DTNB: variants seen among roughly 807,000 people sequenced by gnomAD.
The protein encoded by DTNB is DTN-B.
In DTNB, 63 loss-of-function variants were observed where a neutral mutation model predicts 90.7. The observed-to-expected ratio is 0.69, with a 90% CI of 0.57 to 0.86. The LOEUF (loss-of-function observed/expected upper bound fraction) is 0.86, where lower values mean the gene tolerates loss of function less well. Among genes scored for constraint, DTNB ranks in the 40% least tolerant of loss-of-function variants. The probability of loss-of-function intolerance (pLI) is 0.00; values close to 1 mark genes in which losing one functional copy is unlikely to be tolerated. For synonymous variants in DTNB, 277 were observed against 286.7 expected (o/e 0.97, Z 0.34); for missense variants, 744 against 807.1 (o/e 0.92, Z 0.95).
chr2:25,584,922 G>T (rs1262055044), intron 6 of DTNB, among the ~76,000 whole-genome samples: 1 of 152,092 alleles, frequency 6.6e-6, no homozygotes, highest in Non-Finnish European at 1.5e-5. Context: ...GCTCTTTGGG[G>T]TCCTCAATAA....
intron 9 of DTNB, among the ~76,000 whole-genome samples, chr2:25,483,364 G>T (rs2065396506): frequency 6.6e-6 from 1 of 152,122 alleles, no homozygotes; most frequent in South Asian, 2.1e-4. Flanking sequence ...CTGAGATTTG[G>T]TTAGAGCTCA....
At chr2:25,494,997 C>T (rs2068486019) in intron 9 of DTNB, among the ~76,000 whole-genome samples, 1 of 151,924 alleles carries the variant, frequency 6.6e-6, no homozygotes, top group Non-Finnish European at 1.5e-5. Context: ...AGAAAAGTGT[C>T]AAATGACAGT....
At chr2:25,603,866 T>C (rs1307567500) in intron 5 of DTNB, among the ~76,000 whole-genome samples, 1 of 152,194 alleles carries the variant, frequency 6.6e-6, no homozygotes, top group African/African-American at 2.4e-5. Flanking sequence ...ACAGTGTTAC[T>C]TCTCTCTTTT....
intron 1 of DTNB, among the ~76,000 whole-genome samples, chr2:25,668,181 G>A (rs2084959288): frequency 6.6e-6 from 1 of 152,188 alleles, no homozygotes; most frequent in Non-Finnish European, 1.5e-5. Context: ...AGAGCTCGCA[G>A]TGAGCCGAGA....
intron 9 of DTNB, among the ~76,000 whole-genome samples, chr2:25,528,200 C>G (rs999910588): frequency 2.0e-5 from 3 of 152,148 alleles, no homozygotes; most frequent in Non-Finnish European, 2.9e-5. Context: ...TGATAAAATT[C>G]AGCATCCATT....
chr2:25,616,941 AAAAAAAAAAAAGG>A lies in DTNB; in HGVS notation c.363-9633_363-9621del, dbSNP rs1249551290. ...AGCAAGACCCCGTCTCAAAAAAAAA[AAAAAAAAAAAAGG>A]AAAAAAAAGACTCATTAACCCCTCA... On this transcript the variant is annotated intron_variant, in intron 4 of 20. Coordinates refer to ENST00000406818, the MANE Select transcript of DTNB (RefSeq NM_021907.5). Among the ~76,000 whole-genome samples the A allele has an allele frequency of 1.4e-4, 19 of 137,624 alleles. 1 individual carries two copies. The highest frequency in any genetic ancestry group is 2.4e-4 in the South Asian group (1 of 4,226). 90.3% of individuals were successfully genotyped at this position (137,624 alleles called of 152,430 possible). A position where few individuals can be genotyped will look rare whatever the true frequency, so the allele number is the denominator to read the frequency against.
rs763202635 is a variant in DTNB, at chr2:25,565,200, CTT to C, written c.876+11636_876+11637del. 3.3e-5 allele frequency among the ~76,000 whole-genome samples: 5 copies of C among 152,194 alleles called. No individual in the cohort carries two copies. In the South Asian group the frequency reaches 1.0e-3, roughly 32 times the overall value. On this transcript the variant is annotated intron_variant, in intron 8 of 20. Coordinates refer to ENST00000406818, the MANE Select transcript of DTNB (RefSeq NM_021907.5). ...CTTTTTCCTGGTTTTAGGGGAAAAGCTTTCAGTCTTTCACTATTAAGTATGAT... is the reference window on the plus strand; with the variant it reads ...CTTTTTCCTGGTTTTAGGGGAAAAGCTCAGTCTTTCACTATTAAGTATGAT...
chr2:25,401,110 T>C (rs2043604346), intron 16 of DTNB, among the ~76,000 whole-genome samples: 2 of 152,184 alleles, frequency 1.3e-5, no homozygotes, highest in South Asian at 4.1e-4. Flanking sequence ...ACAAAATCAG[T>C]AGACAGGCTA....
chr2:25,482,891 T>C lies in DTNB; in HGVS notation c.1002-18A>G. 2 of 1,591,556 alleles carry C rather than the reference T, an allele frequency of 1.3e-6. No individual in the cohort carries two copies. Among genetic ancestry groups the C allele is most frequent in the Non-Finnish European group, 1.7e-6 (2 of 1,171,588 alleles). On this transcript the variant is annotated intron_variant, in intron 9 of 20. Coordinates refer to ENST00000406818, the MANE Select transcript of DTNB (RefSeq NM_021907.5). ...GAGGAGGACTGAAAGAAAAGACATT[T>C]ACCTTATATTAATAATGACCAACTA...
chr2:25,403,501 C>T (rs529238361), intron 16 of DTNB, among the ~76,000 whole-genome samples: 1 of 152,268 alleles, frequency 6.6e-6, no homozygotes, highest in South Asian at 2.1e-4. Flanking sequence ...AGAAAAATAC[C>T]TATACAATGA....
chr2:25,550,841 G>A (rs1001332283), intron 8 of DTNB, among the ~76,000 whole-genome samples: 1 of 152,054 alleles, frequency 6.6e-6, no homozygotes, highest in Non-Finnish European at 1.5e-5. Flanking sequence ...GTAGAGATGG[G>A]GTTTCACCAT....
At chr2:25,409,144 G>T (rs2045998261) in intron 16 of DTNB, among the ~76,000 whole-genome samples, 1 of 152,160 alleles carries the variant, frequency 6.6e-6, no homozygotes, top group Non-Finnish European at 1.5e-5. Context: ...AGAAGTTATT[G>T]AAAGAAAACC....
At chr2:25,523,894 G>GTACTTTTT (rs2076604016) in intron 9 of DTNB, among the ~76,000 whole-genome samples, 1 of 140,228 alleles carries the variant, frequency 7.1e-6, no homozygotes, top group African/African-American at 2.7e-5. Context: ...TTGGTCATCT[G>GTACTTTTT]TACTTTTTTT....
intron 8 of DTNB, among the ~76,000 whole-genome samples, chr2:25,546,877 G>C (rs2151070660): frequency 6.6e-6 from 1 of 150,620 alleles, no homozygotes; most frequent in African/African-American, 2.4e-5. Flanking sequence ...ACAGAATCCT[G>C]CTCTGTTGCC....
chr2:25,398,944 G>A (rs745808209), intron 16 of DTNB, among the ~76,000 whole-genome samples: 1 of 152,216 alleles, frequency 6.6e-6, no homozygotes, highest in Non-Finnish European at 1.5e-5. Context: ...ACAATGAAGT[G>A]CATCACATTT....
At chr2:25,654,130 A>C (rs1445208638) in intron 1 of DTNB, among the ~76,000 whole-genome samples, 1 of 152,250 alleles carries the variant, frequency 6.6e-6, no homozygotes, top group East Asian at 1.9e-4. Flanking sequence ...AGGGACTGAT[A>C]AGCAGCAGGG....
At chr2:25,649,274 G>T (rs2080289226) in intron 2 of DTNB, among the ~76,000 whole-genome samples, 2 of 152,042 alleles carry the variant, frequency 1.3e-5, no homozygotes, top group Admixed American at 6.6e-5. Flanking sequence ...GAAAGTGCTG[G>T]CATTATAGGC....
chr2:25,502,903 A>T (rs1026527703), intron 9 of DTNB, among the ~76,000 whole-genome samples: 12 of 146,774 alleles, frequency 8.2e-5, no homozygotes, highest in African/African-American at 3.1e-4. Flanking sequence ...AAAAAAAAAA[A>T]ATCAGCAGGG....
chr2:25,512,810 T>A (rs1314215413), intron 9 of DTNB, among the ~76,000 whole-genome samples: 2 of 152,070 alleles, frequency 1.3e-5, no homozygotes, highest in African/African-American at 4.8e-5. Context: ...GAAAGGGCAA[T>A]AAAGTTTTAA....
Sources: allele counts gnomAD v4.1 joint callset (sites outside exome capture counted in the v4.1 genomes callset), GRCh38; gene constraint gnomAD v4.1.1; transcripts MANE v1.5; gene names NCBI Gene and HGNC (gene_info 2026-07-23, HGNC 2026-07-21).